GFOD2: variants seen among roughly 807,000 people sequenced by gnomAD.
GFOD2 encodes the protein glucose-fructose oxidoreductase domain-containing protein 2.
GFOD2 carries 9 observed loss-of-function variants against 24.6 expected under a neutral mutation model. The observed-to-expected ratio is 0.37, with a 90% CI of 0.22 to 0.64. The LOEUF (loss-of-function observed/expected upper bound fraction) is 0.64, where lower values mean the gene tolerates loss of function less well. Ranked by LOEUF, GFOD2 falls within the 30% of genes least tolerant of loss-of-function variation. GFOD2 has a pLI of 0.65. For synonymous variants in GFOD2, 211 were observed against 224.8 expected, an observed-to-expected ratio of 0.94 and a Z score of 0.55; for missense variants, 476 against 532.5, an observed-to-expected ratio of 0.89 and a Z score of 1.04.
At chr16:67,704,909 T>C (rs1263197626) in intron 1 of GFOD2, among the ~76,000 whole-genome samples, 1 of 152,240 alleles carries the variant, frequency 6.6e-6, no homozygotes, top group African/African-American at 2.4e-5. Context: ...GTATCGCTTA[T>C]CATCTGGCAC....
At chr16:67,679,256 G>T (rs1200437985) in intron 2 of GFOD2, among the ~76,000 whole-genome samples, 1 of 146,632 alleles carries the variant, frequency 6.8e-6, no homozygotes, top group African/African-American at 2.5e-5. Flanking sequence ...TTTTGAGACA[G>T]AGTTTTGCTC....
chr16:67,681,801 G>A, intron 2 of GFOD2: 1 of 985,224 alleles, frequency 1.0e-6, no homozygotes, highest in Non-Finnish European at 1.2e-6. Context: ...AGGGCTAGCT[G>A]TACAGAGTCT....
intron 2 of GFOD2, chr16:67,681,490 C>T: frequency 1.2e-6 from 1 of 820,904 alleles, no homozygotes; most frequent in Non-Finnish European, 1.5e-6. Context: ...CTCATTGCAA[C>T]CTCCGCTTCC....
At chr16:67,698,367 T>G (rs1274741698) in intron 1 of GFOD2, among the ~76,000 whole-genome samples, 1 of 152,242 alleles carries the variant, frequency 6.6e-6, no homozygotes, top group East Asian at 1.9e-4. Flanking sequence ...ACTCACACTA[T>G]TGTGAATAAT....
chr16:67,693,206 T>C (rs1033013159), intron 1 of GFOD2, among the ~76,000 whole-genome samples: 1 of 152,040 alleles, frequency 6.6e-6, no homozygotes, highest in Non-Finnish European at 1.5e-5. Flanking sequence ...TAGCACTGCA[T>C]CTGCATATTT....
Position 67,688,941 on chromosome 16 carries a change from G to A in GFOD2, c.-87-3139C>T, listed in dbSNP as rs112909685. Among the ~76,000 whole-genome samples the A allele has an allele frequency of 9.5e-3, 1,431 of 151,170 alleles. 9 individuals carry two copies. The highest frequency in any genetic ancestry group is 0.016 in the Admixed American group (248 of 15,148). On this transcript the variant is annotated intron_variant, in intron 1 of 2. Coordinates refer to ENST00000268797, the MANE Select transcript of GFOD2 (RefSeq NM_030819.4). ...TTTTTAGTAGAGACGGGGTTTCACC[G>A]TGTTAGCCAGGATGGTCTCGATCTC...
intron 1 of GFOD2, among the ~76,000 whole-genome samples, chr16:67,699,475 G>T (rs1219133770): frequency 6.6e-6 from 1 of 152,068 alleles, no homozygotes; most frequent in Non-Finnish European, 1.5e-5. Flanking sequence ...GGAGAATGTG[G>T]TGTTTTTTTG....
intron 1 of GFOD2, among the ~76,000 whole-genome samples, chr16:67,700,779 T>A (rs1208404633): frequency 6.7e-6 from 1 of 149,636 alleles, no homozygotes; most frequent in East Asian, 2.0e-4. Flanking sequence ...ATGCCTGTAA[T>A]CCCAGCACTT....
intron 2 of GFOD2, chr16:67,681,744 G>T (rs2053226638): frequency 1.0e-6 from 1 of 985,360 alleles, no homozygotes; most frequent in Non-Finnish European, 1.2e-6. Context: ...GGGCTCAGTA[G>T]TATCAGTGTG....
intron 1 of GFOD2, among the ~76,000 whole-genome samples, chr16:67,710,444 A>C (rs1311595809): frequency 6.6e-6 from 1 of 151,938 alleles, no homozygotes; most frequent in Non-Finnish European, 1.5e-5. Flanking sequence ...AGCTCACCGC[A>C]AGCTCCGCCT....
chr16:67,689,132 T>C (rs894234171), intron 1 of GFOD2, among the ~76,000 whole-genome samples: 2 of 151,472 alleles, frequency 1.3e-5, no homozygotes, highest in African/African-American at 4.8e-5. Context: ...CTCCCCCTCC[T>C]GGTTTCGAGC....
intron 1 of GFOD2, among the ~76,000 whole-genome samples, chr16:67,711,064 T>C (rs1440032057): frequency 2.0e-5 from 3 of 152,170 alleles, no homozygotes; most frequent in Non-Finnish European, 4.4e-5. Flanking sequence ...CCCAAAAGCA[T>C]TTCTTCAGAA....
At chr16:67,695,304 C>G (rs2053350565) in intron 1 of GFOD2, among the ~76,000 whole-genome samples, 1 of 151,652 alleles carries the variant, frequency 6.6e-6, no homozygotes, top group Non-Finnish European at 1.5e-5. Context: ...GCCACCATCT[C>G]TCTCTTTTCT....
At chr16:67,700,538 C>T (rs1187759510) in intron 1 of GFOD2, among the ~76,000 whole-genome samples, 2 of 151,704 alleles carry the variant, frequency 1.3e-5, no homozygotes, top group African/African-American at 2.4e-5. Context: ...ATGGTGAAAC[C>T]CTGCCTCTAC....
intron 2 of GFOD2, chr16:67,681,838 C>G: frequency 4.1e-6 from 4 of 985,200 alleles, no homozygotes; most frequent in Non-Finnish European, 4.8e-6. Flanking sequence ...GACATGTCTA[C>G]CTGAGTTTAT....
intron 1 of GFOD2, among the ~76,000 whole-genome samples, chr16:67,691,518 A>G (rs191901013): frequency 8.2e-6 from 1 of 121,792 alleles, no homozygotes; most frequent in African/African-American, 3.3e-5. Context: ...ACCCCCCCCC[A>G]AAAAAAAAAA....
At position 67,685,796 on chromosome 16, in the gene GFOD2, A is replaced by G. The variant is rs978897060; in HGVS notation, c.-81T>C. Reference sequence around the variant, plus strand: ...GATCTTCCAAACGTCCTGGTCAGACATGGCTCCTAGAATAGCAAACATTAC... The same window carrying G: ...GATCTTCCAAACGTCCTGGTCAGACGTGGCTCCTAGAATAGCAAACATTAC... On this transcript the variant is annotated 5_prime_UTR_variant, in exon 2 of 3. It removes an upstream start codon present in the reference 5' UTR. Transcript: ENST00000268797. The G allele has an allele frequency of 2.3e-5, 35 of 1,494,658 alleles. No homozygotes were observed. The highest frequency in any genetic ancestry group is 2.8e-5 in the Non-Finnish European group (31 of 1,107,788). The allele number at this position is 1,494,658 out of a possible 1,614,324, so 92.6% of individuals were successfully genotyped here.
intron 1 of GFOD2, among the ~76,000 whole-genome samples, chr16:67,701,745 T>C (rs1028499496): frequency 6.6e-6 from 1 of 151,610 alleles, no homozygotes; most frequent in Non-Finnish European, 1.5e-5. Flanking sequence ...AACTTCACTG[T>C]TCTGTAAATT....
chr16:67,685,938 G>A, intron 1 of GFOD2, 136 bp from the exon 2 acceptor site: 1 of 533,612 alleles, frequency 1.9e-6, no homozygotes, highest in Non-Finnish European at 3.3e-6. Flanking sequence ...TTTCAAATAA[G>A]GAAGTAACAA....
Sources: gnomAD v4.1 joint callset for allele counts (sites outside exome capture counted in the v4.1 genomes callset) on GRCh38, gnomAD v4.1.1 for gene constraint, MANE v1.5 for transcripts, NCBI Gene and HGNC (gene_info 2026-07-23, HGNC 2026-07-21) for gene names.